Variants in CRYBA4 observed in about 807,000 individuals in gnomAD.
CRYBA4 encodes beta-crystallin A4.
In CRYBA4, 30 loss-of-function variants were observed where a neutral mutation model predicts 31.7. That is an observed-to-expected ratio of 0.95 (90% CI 0.71 to 1.28). The LOEUF is 1.28. CRYBA4 is among the 50% of genes most tolerant of loss of function. The pLI is 0.00. For missense variants in CRYBA4, 225 were observed against 260.7 expected (o/e 0.86, Z 0.94); for synonymous variants, 102 against 102.3 (o/e 1.00, Z 0.02).
the CRYBA4 span, chr22:26,601,825 G>A: frequency 6.2e-7 from 1 of 1,610,278 alleles, no homozygotes; most frequent in Non-Finnish European, 8.5e-7. Flanking sequence ...AGCAGCCTCT[G>A]ATTCTGCCTG....
At chr22:26,611,850 AT>A in the CRYBA4 span, among the ~76,000 whole-genome samples, 1 of 152,248 alleles carries the variant, frequency 6.6e-6, no homozygotes, top group East Asian at 1.9e-4. Flanking sequence ...GTGTGATCTT[AT>A]GCTAATTGGA....
the CRYBA4 span, among the ~76,000 whole-genome samples, chr22:26,615,467 G>A: frequency 1.3e-5 from 2 of 151,960 alleles, no homozygotes; most frequent in Non-Finnish European, 2.9e-5. Flanking sequence ...GGTATGGTTT[G>A]GTTGTTGTTA....
At chr22:26,629,734 C>CAAGAAAAAAAAAAAAAA (rs1929862712) in intron 5 of CRYBA4, among the ~76,000 whole-genome samples, 1 of 80,600 alleles carries the variant, frequency 1.2e-5, no homozygotes, top group African/African-American at 4.1e-5. Context: ...GACTCTGTCT[C>CAAGAAAAAAAAAAAAAA]AAAAAAAAAA....
the CRYBA4 span, among the ~76,000 whole-genome samples, chr22:26,610,216 T>G: frequency 4.9e-3 from 743 of 152,296 alleles, 2 homozygotes; most frequent in African/African-American, 0.017. Flanking sequence ...ATATGGAAAC[T>G]GAGGCTAAGA....
At chr22:26,616,460 G>A in the CRYBA4 span, 1 of 706,816 alleles carries the variant, frequency 1.4e-6, no homozygotes. Flanking sequence ...TTCTGAAACG[G>A]TTAAGCCTGG....
chr22:26,628,400 A>G lies in CRYBA4; in HGVS notation c.413A>G (p.Glu138Gly), dbSNP rs760225068. 3.7e-6 allele frequency: 6 copies of G among 1,614,050 alleles called. No individual in the cohort carries two copies. In the East Asian group the frequency reaches 1.3e-4, roughly 36 times the overall value. The change falls in exon 5 of 6, where the codon GAA becomes GGA. Residue 138 changes from glutamate to glycine, a missense_variant. Glu to Gly is a moderately conservative substitution (Grantham distance 98, BLOSUM62 -2). Coordinates refer to ENST00000354760, the MANE Select transcript of CRYBA4 (RefSeq NM_001886.3). ...CAGGCCATGGGATGGGAAGGCAATG[A>G]AGTAGGGTCCTTCCACGTCCACTCT... Reference protein sequence around the residue: ...SLQAMGWEGNEVGSFHVHSGA... With the variant: ...SLQAMGWEGNGVGSFHVHSGA...
At chr22:26,607,019 C>CTTTTTT in the CRYBA4 span, among the ~76,000 whole-genome samples, 4 of 111,960 alleles carry the variant, frequency 3.6e-5, no homozygotes, top group Admixed American at 1.0e-4. Context: ...TATCCCTCTC[C>CTTTTTT]TTTTTTTTTT....
At chr22:26,609,541 G>A in the CRYBA4 span, among the ~76,000 whole-genome samples, 1 of 152,126 alleles carries the variant, frequency 6.6e-6, no homozygotes, top group African/African-American at 2.4e-5. Context: ...TAGATGGATG[G>A]GTGGGTAGAT....
the CRYBA4 span, among the ~76,000 whole-genome samples, chr22:26,600,825 C>T: frequency 6.6e-6 from 1 of 152,202 alleles, no homozygotes; most frequent in Non-Finnish European, 1.5e-5. Flanking sequence ...CTGCCCTCTG[C>T]CCTAACATAC....
chr22:26,603,533 A>G, the CRYBA4 span, among the ~76,000 whole-genome samples: 1 of 151,714 alleles, frequency 6.6e-6, no homozygotes, highest in Non-Finnish European at 1.5e-5. Flanking sequence ...GTCTCAAACA[A>G]CAACAACAAA....
the CRYBA4 span, among the ~76,000 whole-genome samples, chr22:26,609,413 G>A: frequency 2.6e-5 from 4 of 152,280 alleles, no homozygotes; most frequent in South Asian, 2.1e-4. Flanking sequence ...TGGATGGATG[G>A]GTGGATGAAA....
At chr22:26,630,207 TG>T in intron 5 of CRYBA4, 132 bp from the exon 6 acceptor site, 1 of 1,121,248 alleles carries the variant, frequency 8.9e-7, no homozygotes, top group Non-Finnish European at 1.3e-6. Context: ...GGAGAGAGCA[TG>T]GCACATTGTG....
chr22:26,606,855 C>T, the CRYBA4 span, among the ~76,000 whole-genome samples: 1 of 152,168 alleles, frequency 6.6e-6, no homozygotes, highest in Admixed American at 6.5e-5. Context: ...CATGACTCAT[C>T]ATCAACTTAA....
chr22:26,623,089 A>C (rs1052944094), intron 2 of CRYBA4, 145 bp from the exon 3 acceptor site: 2 of 754,772 alleles, frequency 2.6e-6, no homozygotes, highest in Admixed American at 1.8e-5. Context: ...TCTCACATTT[A>C]TCACTGCTCT....
chr22:26,599,394 T>G, the CRYBA4 span: 1 of 1,275,540 alleles, frequency 7.8e-7, no homozygotes, highest in Non-Finnish European at 1.1e-6. Context: ...CCAGGAGAAA[T>G]TTTGGCTTTA....
chr22:26,610,456 A>C, the CRYBA4 span, among the ~76,000 whole-genome samples: 1 of 152,094 alleles, frequency 6.6e-6, no homozygotes, highest in Admixed American at 6.5e-5. Context: ...CACCAGCTGC[A>C]TCTTTGTTTG....
chr22:26,620,500 G>C (rs1205148238), upstream of CRYBA4, among the ~76,000 whole-genome samples: 4 of 151,790 alleles, frequency 2.6e-5, no homozygotes, highest in Admixed American at 2.6e-4. Flanking sequence ...TGGCTGTAGA[G>C]GGTGCATTGT....
At chr22:26,610,734 C>T in the CRYBA4 span, among the ~76,000 whole-genome samples, 21,850 of 152,182 alleles carry the variant, frequency 0.14, 2,071 homozygotes, top group South Asian at 0.3. Flanking sequence ...CAGGCCCATG[C>T]TGTATGATCT....
intron 4 of CRYBA4, among the ~76,000 whole-genome samples, chr22:26,627,502 TTC>T (rs1479919879): frequency 4.8e-5 from 4 of 83,540 alleles, no homozygotes; most frequent in South Asian, 4.6e-4. Context: ...CTTTCTTTCT[TTC>T]TTTCTTTCTT....
Sources: gnomAD v4.1 joint callset for allele counts (sites outside exome capture counted in the v4.1 genomes callset) on GRCh38, gnomAD v4.1.1 for gene constraint, MANE v1.5 for transcripts, NCBI Gene and HGNC (gene_info 2026-07-23, HGNC 2026-07-21) for gene names.